Variants in SPAG1 observed in about 807,000 individuals in gnomAD.
The protein encoded by SPAG1 is sperm associated antigen 1, also known as sperm-associated antigen 1.
A neutral mutation model predicts 100.5 loss-of-function variants in SPAG1; 69 were observed. The observed-to-expected ratio is 0.69, with a 90% CI of 0.57 to 0.84. The LOEUF is 0.84. Ranked by LOEUF, SPAG1 falls within the 40% of genes least tolerant of loss-of-function variation. The pLI is 0.00. For missense variants in SPAG1, 955 were observed against 1,133.1 expected, an observed-to-expected ratio of 0.84 and a Z score of 2.26; for synonymous variants, 336 against 411.6, an observed-to-expected ratio of 0.82 and a Z score of 2.22.
intron 3 of SPAG1, among the ~76,000 whole-genome samples, chr8:100,175,310 A>T: frequency 7.4e-6 from 1 of 135,066 alleles, no homozygotes; most frequent in African/African-American, 2.8e-5. Context: ...TTTGAGATAG[A>T]GTCTTGGTCT....
At chr8:100,171,900 T>A (rs78343169) in intron 3 of SPAG1, among the ~76,000 whole-genome samples, 2 of 146,892 alleles carry the variant, frequency 1.4e-5, no homozygotes, top group Non-Finnish European at 3.0e-5. Context: ...TTGATTTTTC[T>A]TTTTTTTTTT....
intron 8 of SPAG1, among the ~76,000 whole-genome samples, chr8:100,187,558 C>T (rs1418537260): frequency 3.3e-5 from 5 of 151,922 alleles, no homozygotes; most frequent in Admixed American, 3.3e-4. Context: ...TGGCCAGGCA[C>T]AGTGGCTCAC....
intron 13 of SPAG1, among the ~76,000 whole-genome samples, chr8:100,221,448 A>G (rs1483955676): frequency 6.6e-6 from 1 of 152,232 alleles, no homozygotes; most frequent in Non-Finnish European, 1.5e-5. Flanking sequence ...TTTGAAAATT[A>G]ACTAGTTGGA....
intron 12 of SPAG1, among the ~76,000 whole-genome samples, chr8:100,215,674 G>A (rs1004935190): frequency 6.6e-6 from 1 of 152,272 alleles, no homozygotes; most frequent in South Asian, 2.1e-4. Flanking sequence ...GCAGGCGCCC[G>A]CCACCATGCC....
At chr8:100,204,955 G>A (rs1443495432) in intron 10 of SPAG1, among the ~76,000 whole-genome samples, 5 of 152,180 alleles carry the variant, frequency 3.3e-5, no homozygotes, top group Admixed American at 3.3e-4. Flanking sequence ...TAGAGGCAAA[G>A]CAGCAATCAG....
At chr8:100,165,515 G>A (rs778092801) in intron 2 of SPAG1, 1 of 367,174 alleles carries the variant, frequency 2.7e-6, no homozygotes, top group Admixed American at 4.2e-5. Context: ...CGCCAACTCC[G>A]CGGAGCAACC....
At chr8:100,203,053 G>T (rs1291987484) in intron 10 of SPAG1, among the ~76,000 whole-genome samples, 1 of 152,204 alleles carries the variant, frequency 6.6e-6, no homozygotes, top group African/African-American at 2.4e-5. Context: ...GGGTGTGTCT[G>T]TGAGGGTATT....
chr8:100,163,865 G>A (rs1299951113), intron 2 of SPAG1, among the ~76,000 whole-genome samples: 2 of 152,174 alleles, frequency 1.3e-5, no homozygotes, highest in Non-Finnish European at 2.9e-5. Flanking sequence ...TTTATTGGAT[G>A]AAACAGTTGG....
At chr8:100,186,168 G>A (rs1266801693) in intron 7 of SPAG1, among the ~76,000 whole-genome samples, 1 of 149,632 alleles carries the variant, frequency 6.7e-6, no homozygotes, top group Non-Finnish European at 1.5e-5. Flanking sequence ...TGGGCTCCAG[G>A]GATCCTCCCA....
At position 100,203,864 on chromosome 8, in the gene SPAG1, C is replaced by T. The variant is rs563545359; in HGVS notation, c.1097-9226C>T. The stretch of plus-strand genomic sequence containing the variant: ...AAAACAGACACAAGCTCTCATCATG[C>T]GAGTGGCTGACCTGCAACAAAAGGT... On this transcript the variant is annotated intron_variant, in intron 10 of 18. Coordinates refer to ENST00000388798, the MANE Select transcript of SPAG1 (RefSeq NM_003114.5). Among the ~76,000 whole-genome samples the T allele has an allele frequency of 1.4e-4, 21 of 152,210 alleles. No homozygotes were observed. In the East Asian group the frequency reaches 3.7e-3, roughly 27 times the overall value.
In SPAG1 at chr8:100,162,975, T is replaced by TA. The variant is rs59337077; in HGVS notation, c.140+563dup. Among the ~76,000 whole-genome samples, 13 of 151,038 alleles carry TA rather than the reference T, an allele frequency of 8.6e-5. No individual in the cohort carries two copies. In the Middle Eastern group the frequency reaches 0.014, roughly 158 times the overall value. ...AAAATAAAAAAATAAAAAATAATAATAAAAAAAATAAAAAAAGCTATTAGG... is the reference window on the plus strand; with the variant it reads ...AAAATAAAAAAATAAAAAATAATAATAAAAAAAAATAAAAAAAGCTATTAGG... On this transcript the variant is annotated intron_variant, in intron 2 of 18. Coordinates refer to ENST00000388798, the MANE Select transcript of SPAG1 (RefSeq NM_003114.5).
At chr8:100,162,258 C>G (rs1165180007) in intron 1 of SPAG1, 21 bp from the exon 2 acceptor site, 1 of 1,551,972 alleles carries the variant, frequency 6.4e-7, no homozygotes, top group South Asian at 1.2e-5. Context: ...AGATTAATAA[C>G]TTTTAAATAT....
chr8:100,220,267 T>C lies in SPAG1; in HGVS notation c.1536-12T>C, dbSNP rs959246629. The C allele has an allele frequency of 6.3e-7, 1 of 1,599,168 alleles. No individual in the cohort carries two copies. Among genetic ancestry groups the C allele is most frequent in the Non-Finnish European group, 8.5e-7 (1 of 1,175,714 alleles). ...CAAAACAAATGGTATGTAATATTTTTGTCTTCTTTAGGGCTCTGGAACTTC... is the reference window on the plus strand; with the variant it reads ...CAAAACAAATGGTATGTAATATTTTCGTCTTCTTTAGGGCTCTGGAACTTC... On this transcript the variant is annotated splice_polypyrimidine_tract_variant and intron_variant, in intron 12 of 18. Coordinates refer to ENST00000388798, the MANE Select transcript of SPAG1 (RefSeq NM_003114.5).
intron 13 of SPAG1, among the ~76,000 whole-genome samples, chr8:100,224,499 A>G (rs1277523617): frequency 6.6e-6 from 1 of 152,202 alleles, no homozygotes; most frequent in African/African-American, 2.4e-5. Context: ...CCGAGGTCGC[A>G]TCACTGCACT....
chr8:100,182,610 T>C (rs1816413274), intron 4 of SPAG1, among the ~76,000 whole-genome samples: 1 of 152,194 alleles, frequency 6.6e-6, no homozygotes, highest in Non-Finnish European at 1.5e-5. Context: ...TCCATCAGTT[T>C]AGTTATATAA....
chr8:100,167,570 C>T (rs1318024912), intron 3 of SPAG1, among the ~76,000 whole-genome samples: 1 of 152,156 alleles, frequency 6.6e-6, no homozygotes, highest in African/African-American at 2.4e-5. Flanking sequence ...AGCAAAATTA[C>T]AGATAAGGGG....
In SPAG1 at chr8:100,231,157, T is replaced by G; in HGVS notation, c.1857T>G (p.Asp619Glu). The G allele has an allele frequency of 6.3e-7, 1 of 1,598,588 alleles. No individual in the cohort carries two copies. The highest frequency in any genetic ancestry group is 8.5e-7 in the Non-Finnish European group (1 of 1,173,300). ...CTTCTTTGTTTTTTTGTCCCATAGATGAAAAAACATTTAAAGCCCTTAAGG... is the reference window on the plus strand; with the variant it reads ...CTTCTTTGTTTTTTTGTCCCATAGAGGAAAAAACATTTAAAGCCCTTAAGG... ...SSSHRQQGIT[D>E]EKTFKALKEE... is the part of the protein sequence containing the mutation. The change falls in exon 15 of 19, where the codon GAT (aspartate) becomes GAG (glutamate). Residue 619 changes from aspartate to glutamate, a missense_variant and splice_region_variant. Asp to Glu is a conservative substitution (Grantham distance 45). Coordinates refer to ENST00000388798, the MANE Select transcript of SPAG1 (RefSeq NM_003114.5).
chr8:100,200,936 A>G (rs190512927), intron 10 of SPAG1, among the ~76,000 whole-genome samples: 2 of 152,146 alleles, frequency 1.3e-5, no homozygotes, highest in East Asian at 3.9e-4. Flanking sequence ...TGCTGGATGC[A>G]CAAGTTTTAA....
intron 13 of SPAG1, among the ~76,000 whole-genome samples, chr8:100,223,425 G>A (rs1818368865): frequency 6.6e-6 from 1 of 151,914 alleles, no homozygotes; most frequent in Admixed American, 6.6e-5. Flanking sequence ...GGTTCTTGTT[G>A]ATATTTTGTT....
Sources: allele counts gnomAD v4.1 joint callset (sites outside exome capture counted in the v4.1 genomes callset), GRCh38; gene constraint gnomAD v4.1.1; transcripts MANE v1.5; gene names NCBI Gene and HGNC (gene_info 2026-07-23, HGNC 2026-07-21).